The following SKA2 variants were observed in gnomAD, a reference collection of about 807,000 sequenced individuals.
The protein encoded by SKA2 is spindle and kinetochore associated complex subunit 2.
SKA2 carries 13 observed loss-of-function variants against 16.9 expected under a neutral mutation model. The observed-to-expected ratio is 0.77, with a 90% CI of 0.50 to 1.22. SKA2 has a LOEUF of 1.22. Among genes scored for constraint, SKA2 ranks in the 50% most tolerant of loss-of-function variants. The probability of loss-of-function intolerance (pLI) is 0.00; values close to 1 mark genes in which losing one functional copy is unlikely to be tolerated. For missense variants in SKA2, 107 were observed against 139.7 expected, an observed-to-expected ratio of 0.77 and a Z score of 1.18; for synonymous variants, 47 against 48.5, an observed-to-expected ratio of 0.97 and a Z score of 0.13.
chr17:59,154,869 G>A (rs1381912103), intron 1 of SKA2: 17 of 1,443,282 alleles, frequency 1.2e-5, no homozygotes, highest in East Asian at 2.3e-5. Context: ...GTAAAGGTGA[G>A]GGCAAGGAAC....
chr17:59,125,684 C>CA (rs201568121), intron 2 of SKA2, among the ~76,000 whole-genome samples: 860 of 82,572 alleles, frequency 0.01, 4 homozygotes, highest in Non-Finnish European at 0.014. Context: ...ACTCCGTCTC[C>CA]AAAAAAAAAA....
rs1036336001 is a variant in SKA2, at chr17:59,112,169, C to T, written c.*108G>A. 10 of 841,960 alleles carry T rather than the reference C, an allele frequency of 1.2e-5. No homozygotes were observed. In the South Asian group the frequency reaches 1.7e-4, roughly 14 times the overall value. The allele number at this position is 841,960 out of a possible 1,614,324, so 52.2% of individuals were successfully genotyped here. A position where few individuals can be genotyped will look rare whatever the true frequency, so the allele number is the denominator to read the frequency against. On this transcript the variant is annotated 3_prime_UTR_variant, in exon 4 of 4. Coordinates refer to ENST00000330137, the MANE Select transcript of SKA2 (RefSeq NM_182620.4). ...TATCCAGTCATTGAAGCCAAACCCCCTTCACCAGCCCCCAATCTCTAGACA... is the reference window on the plus strand; with the variant it reads ...TATCCAGTCATTGAAGCCAAACCCCTTTCACCAGCCCCCAATCTCTAGACA...
intron 3 of SKA2, among the ~76,000 whole-genome samples, chr17:59,117,562 A>G (rs994517808): frequency 2.0e-5 from 3 of 151,648 alleles, no homozygotes; most frequent in Non-Finnish European, 1.5e-5. Context: ...TAAATTTAAA[A>G]TATTTTTTTC....
intron 3 of SKA2, among the ~76,000 whole-genome samples, chr17:59,116,810 CT>C (rs909458290): frequency 4.2e-3 from 317 of 75,294 alleles, no homozygotes; most frequent in South Asian, 7.5e-3. Flanking sequence ...CTGCCTTTGG[CT>C]TTTTTTTTTT....
intron 3 of SKA2, among the ~76,000 whole-genome samples, chr17:59,116,296 C>G (rs1487594817): frequency 6.6e-6 from 1 of 152,212 alleles, no homozygotes; most frequent in East Asian, 1.9e-4. Flanking sequence ...TTGCTTGAAT[C>G]CAGGAGGCGG....
intron 3 of SKA2, among the ~76,000 whole-genome samples, chr17:59,113,669 C>A (rs2046277941): frequency 6.6e-6 from 1 of 151,366 alleles, no homozygotes; most frequent in Non-Finnish European, 1.5e-5. Context: ...ACTAAAAATA[C>A]AAAAAAATTA....
chr17:59,138,235 C>A (rs2046461057), intron 1 of SKA2, among the ~76,000 whole-genome samples: 1 of 151,988 alleles, frequency 6.6e-6, no homozygotes, highest in South Asian at 2.1e-4. Context: ...CATGAAAGCA[C>A]CCCAAGGGAA....
At chr17:59,153,006 A>G (rs1243688735) in intron 1 of SKA2, among the ~76,000 whole-genome samples, 1 of 152,224 alleles carries the variant, frequency 6.6e-6, no homozygotes, top group African/African-American at 2.4e-5. Context: ...TGGCTACCTT[A>G]TAATTTTCTA....
chr17:59,154,866 T>C, intron 1 of SKA2: 1 of 1,420,658 alleles, frequency 7.0e-7, no homozygotes, highest in Non-Finnish European at 9.8e-7. Context: ...GGTGTAAAGG[T>C]GAGGGCAAGG....
chr17:59,130,717 T>A (rs2046406554), intron 2 of SKA2, among the ~76,000 whole-genome samples: 1 of 152,162 alleles, frequency 6.6e-6, no homozygotes, highest in Non-Finnish European at 1.5e-5. Context: ...ATTTTAGTGT[T>A]AATGTTAACA....
intron 1 of SKA2, among the ~76,000 whole-genome samples, chr17:59,137,235 C>CTTGAACTCCTGAG (rs1196636000): frequency 2.6e-5 from 4 of 152,176 alleles, no homozygotes; most frequent in African/African-American, 9.6e-5. Context: ...CCAGGCTGGA[C>CTTGAACTCCTGAG]TTGAACTCCT....
intron 2 of SKA2, among the ~76,000 whole-genome samples, chr17:59,126,126 G>A (rs902070555): frequency 6.6e-6 from 1 of 151,122 alleles, no homozygotes; most frequent in Non-Finnish European, 1.5e-5. Flanking sequence ...AGCCGAGATC[G>A]CGCCACTGCA....
At chr17:59,147,920 G>A (rs2046546412) in intron 1 of SKA2, among the ~76,000 whole-genome samples, 3 of 151,592 alleles carry the variant, frequency 2.0e-5, no homozygotes, top group Admixed American at 2.0e-4. Flanking sequence ...TTGGCTCACT[G>A]CAACTTCTGC....
chr17:59,153,163 C>T (rs1443081581), intron 1 of SKA2, among the ~76,000 whole-genome samples: 1 of 152,112 alleles, frequency 6.6e-6, no homozygotes, highest in Non-Finnish European at 1.5e-5. Context: ...GAGAAGCAAA[C>T]AACCTGTTAA....
At chr17:59,126,765 G>A (rs1328556984) in intron 2 of SKA2, among the ~76,000 whole-genome samples, 3 of 152,156 alleles carry the variant, frequency 2.0e-5, no homozygotes, top group African/African-American at 7.2e-5. Context: ...GCACTTCTGG[G>A]TATAAACCCG....
chr17:59,131,677 A>G (rs2046412766), intron 1 of SKA2, among the ~76,000 whole-genome samples: 1 of 152,218 alleles, frequency 6.6e-6, no homozygotes, highest in Non-Finnish European at 1.5e-5. Flanking sequence ...AATGACGTCA[A>G]TAATTTCCTA....
chr17:59,125,333 T>G (rs1447657824), intron 2 of SKA2, among the ~76,000 whole-genome samples: 2 of 151,966 alleles, frequency 1.3e-5, no homozygotes, highest in Non-Finnish European at 2.9e-5. Flanking sequence ...TAAACTGTGC[T>G]GCACTTTAGT....
chr17:59,123,241 C>CTTTT (rs138522640), intron 2 of SKA2, among the ~76,000 whole-genome samples: 2 of 99,118 alleles, frequency 2.0e-5, no homozygotes, highest in Non-Finnish European at 4.1e-5. Context: ...GTACAAAATT[C>CTTTT]TTTTTTTTTT....
At chr17:59,143,267 A>C (rs2046506726) in intron 1 of SKA2, among the ~76,000 whole-genome samples, 1 of 149,790 alleles carries the variant, frequency 6.7e-6, no homozygotes, top group Non-Finnish European at 1.5e-5. Context: ...GCAGTGGTGC[A>C]ATCTCAGCTC....
Sources: gnomAD v4.1 joint callset for allele counts (sites outside exome capture counted in the v4.1 genomes callset) on GRCh38, gnomAD v4.1.1 for gene constraint, MANE v1.5 for transcripts, NCBI Gene and HGNC (gene_info 2026-07-23, HGNC 2026-07-21) for gene names.